STMN4: variants seen among roughly 807,000 people sequenced by gnomAD.
STMN4 encodes stathmin-4.
A neutral mutation model predicts 29.1 loss-of-function variants in STMN4; 12 were observed. The ratio of observed to expected loss-of-function variants is 0.41; its 90% CI spans 0.26 to 0.67. STMN4 has a LOEUF of 0.67. STMN4 is among the 30% of genes least tolerant of loss of function. The probability of loss-of-function intolerance (pLI) is 0.30; values close to 1 mark genes in which losing one functional copy is unlikely to be tolerated. For synonymous variants in STMN4, 114 were observed against 105.3 expected (o/e 1.08, Z -0.51); for missense variants, 181 against 262.8 (o/e 0.69, Z 2.15).
At position 27,242,592 on chromosome 8, in the gene STMN4, A is replaced by T. The variant is rs1801508354; in HGVS notation, c.14-100T>A. The T allele has an allele frequency of 3.2e-6, 4 of 1,232,348 alleles. No individual in the cohort carries two copies. In the South Asian group the frequency reaches 5.3e-5, roughly 16 times the overall value. The allele number at this position is 1,232,348 out of a possible 1,614,324, so 76.3% of individuals were successfully genotyped here. On this transcript the variant is annotated intron_variant, in intron 2 of 6. Transcript: ENST00000350889. ...CTCTGAGCAGCCCAGGGTTCCATAA[A>T]GGCACTCAAACCACGCAGGCACACG...
At chr8:27,240,678 G>A (rs1426530137) in intron 5 of STMN4, among the ~76,000 whole-genome samples, 7 of 152,216 alleles carry the variant, frequency 4.6e-5, no homozygotes, top group East Asian at 1.9e-4. Context: ...AAGGCATCCC[G>A]GGCCTCGAGA....
At chr8:27,240,240 G>T in intron 5 of STMN4, 78 bp from the exon 6 acceptor site, 1 of 1,501,936 alleles carries the variant, frequency 6.7e-7, no homozygotes, top group East Asian at 2.3e-5. Flanking sequence ...TGGCTGAAAA[G>T]CTGCACACTC....
At position 27,239,399 on chromosome 8, in the gene STMN4, CA is replaced by C; in HGVS notation, c.591+571del. ...GCAGAACGGGCCGGTATTCTGCTGACACACAGAACCAACCCCGGCCTCATGT... is the reference window on the plus strand; with the variant it reads ...GCAGAACGGGCCGGTATTCTGCTGACCACAGAACCAACCCCGGCCTCATGT... On this transcript the variant is annotated intron_variant, in intron 6 of 6. Coordinates refer to ENST00000350889, the MANE Select transcript of STMN4 (RefSeq NM_030795.4). 3.7e-6 allele frequency: 4 copies of C among 1,081,396 alleles called. No homozygotes were observed. In the South Asian group the frequency reaches 6.0e-5, roughly 16 times the overall value. 67.0% of individuals were successfully genotyped at this position (1,081,396 alleles called of 1,614,324 possible). A position where few individuals can be genotyped will look rare whatever the true frequency, so the allele number is the denominator to read the frequency against.
chr8:27,239,594 C>G, intron 6 of STMN4: 1 of 1,050,258 alleles, frequency 9.5e-7, no homozygotes, highest in Non-Finnish European at 1.3e-6. Flanking sequence ...CTCAAGAAAG[C>G]ATCTTTCCTT....
intron 1 of STMN4, among the ~76,000 whole-genome samples, chr8:27,245,442 C>T (rs1258897940): frequency 6.6e-6 from 1 of 152,262 alleles, no homozygotes; most frequent in Non-Finnish European, 1.5e-5. Context: ...TGGACTTAAA[C>T]TGCTTTGTTC....
At chr8:27,247,745 A>G (rs1175723374) in intron 1 of STMN4, among the ~76,000 whole-genome samples, 1 of 152,260 alleles carries the variant, frequency 6.6e-6, no homozygotes, top group Non-Finnish European at 1.5e-5. Flanking sequence ...TTCAGGTGGC[A>G]TGATGAAGAT....
rs144197191 is a variant in STMN4, at chr8:27,255,933, T to C, written c.-79+2418A>G. Reference sequence around the variant, plus strand: ...ATATGAGACCAAACTTCTCCGTCTTTGATAGGTCCTTTAGAATGAAGTAAC... The same window carrying C: ...ATATGAGACCAAACTTCTCCGTCTTCGATAGGTCCTTTAGAATGAAGTAAC... On this transcript the variant is annotated intron_variant, in intron 1 of 6. Transcript: ENST00000350889. 5.5e-4 allele frequency among the ~76,000 whole-genome samples: 84 copies of C among 152,272 alleles called. 1 individual carries two copies. The highest frequency in any genetic ancestry group is 3.4e-3 in the Middle Eastern group (1 of 294).
chr8:27,240,001 G>T lies in STMN4; in HGVS notation c.561C>A (p.Leu187=). Residue 187 remains leucine (L), a synonymous_variant, in exon 6 of 7, where the codon CTC becomes CTA. Transcript: ENST00000350889. The part of the protein sequence containing the change: ...ESNKENREAH[L]AAMLERLQEK... ...CTTGCAGCCGTTCCAACATGGCGGC[G>T]AGGTGGGCCTCCCTGTTCTCCTTGT... 6.2e-7 allele frequency: 1 copy of T among 1,614,236 alleles called. No individual in the cohort carries two copies. Among genetic ancestry groups the T allele is most frequent in the Non-Finnish European group, 8.5e-7 (1 of 1,180,042 alleles).
chr8:27,238,417 C>T (rs1801370927), intron 6 of STMN4, among the ~76,000 whole-genome samples: 1 of 152,252 alleles, frequency 6.6e-6, no homozygotes, highest in Admixed American at 6.5e-5. Context: ...GCTGCCCCCT[C>T]AAATGTCTGC....
At chr8:27,248,628 C>A (rs1172175935) in intron 1 of STMN4, among the ~76,000 whole-genome samples, 1 of 152,156 alleles carries the variant, frequency 6.6e-6, no homozygotes, top group Non-Finnish European at 1.5e-5. Flanking sequence ...CATTCTTGGG[C>A]AGGAAAAGCA....
chr8:27,238,099 G>A (rs188354518), intron 6 of STMN4, among the ~76,000 whole-genome samples: 277 of 152,320 alleles, frequency 1.8e-3, no homozygotes, highest in Non-Finnish European at 3.2e-3. Flanking sequence ...GTGAGGAGTG[G>A]TGTGCACAGG....
At chr8:27,245,852 C>A (rs185218757) in intron 1 of STMN4, among the ~76,000 whole-genome samples, 1 of 152,336 alleles carries the variant, frequency 6.6e-6, no homozygotes, top group East Asian at 1.9e-4. Flanking sequence ...GATGATAGGA[C>A]CCTGTGCTCA....
intron 1 of STMN4, among the ~76,000 whole-genome samples, chr8:27,250,745 C>T (rs1801758611): frequency 6.6e-6 from 1 of 152,108 alleles, no homozygotes; most frequent in South Asian, 2.1e-4. Flanking sequence ...AGGGCAACTC[C>T]CAGAGGGTAC....
intron 6 of STMN4, among the ~76,000 whole-genome samples, chr8:27,237,717 C>A (rs1047794198): frequency 6.6e-6 from 1 of 152,200 alleles, no homozygotes; most frequent in Non-Finnish European, 1.5e-5. Context: ...GCAGGAGGAT[C>A]TTGGCTGGCT....
chr8:27,247,906 G>A (rs1429770891), intron 1 of STMN4, among the ~76,000 whole-genome samples: 5 of 152,212 alleles, frequency 3.3e-5, no homozygotes, highest in Admixed American at 2.0e-4. Context: ...GGTTCCTTAT[G>A]TGTTTTCTGT....
intron 6 of STMN4, among the ~76,000 whole-genome samples, chr8:27,238,247 G>T: frequency 6.6e-6 from 1 of 152,150 alleles, no homozygotes; most frequent in East Asian, 1.9e-4. Flanking sequence ...GGTACACAGG[G>T]TCAGTGACCC....
rs1398012079 is a variant in STMN4 at position 27,239,545 on chromosome 8, G to A, written c.591+426C>T. ...GAGAATCATGTTTCCTGCTCAGTGG[G>A]AATCTCAGCTCATCATACCCGTGAC... On this transcript the variant is annotated intron_variant, in intron 6 of 6. Coordinates refer to ENST00000350889, the MANE Select transcript of STMN4 (RefSeq NM_030795.4). 5 of 742,568 alleles carry A rather than the reference G, an allele frequency of 6.7e-6. No homozygotes were observed. The Admixed American group carries it at 9.2e-5, about 14-fold the overall frequency. 46.0% of individuals were successfully genotyped at this position (742,568 alleles called of 1,614,324 possible).
At chr8:27,248,021 A>G (rs2130119932) in intron 1 of STMN4, among the ~76,000 whole-genome samples, 1 of 152,316 alleles carries the variant, frequency 6.6e-6, no homozygotes, top group Admixed American at 6.5e-5. Context: ...CAGAAGGTCA[A>G]TGTGGCAGTC....
chr8:27,239,746 T>G, intron 6 of STMN4: 4 of 1,456,564 alleles, frequency 2.7e-6, no homozygotes, highest in Non-Finnish European at 2.7e-6. Context: ...ATTGTGTAAC[T>G]GTGCAGAATA....
Sources: allele counts gnomAD v4.1 joint callset (sites outside exome capture counted in the v4.1 genomes callset), GRCh38; gene constraint gnomAD v4.1.1; transcripts MANE v1.5; gene names NCBI Gene and HGNC (gene_info 2026-07-23, HGNC 2026-07-21).